APOOL: variants seen among roughly 807,000 people sequenced by gnomAD.
The protein encoded by APOOL is MICOS complex subunit MIC27.
APOOL carries 12 observed loss-of-function variants against 23.1 expected under a neutral mutation model. The observed-to-expected ratio is 0.52, with a 90% CI of 0.33 to 0.84. The LOEUF is 0.84. Ranked by LOEUF, APOOL falls within the 40% of genes least tolerant of loss-of-function variation. The pLI is 0.02. For synonymous variants in APOOL, 77 were observed against 69.9 expected (o/e 1.10, Z -0.51); for missense variants, 212 against 199.6 (o/e 1.06, Z -0.37).
intron 1 of APOOL, among the ~76,000 whole-genome samples, chrX:85,010,403 A>C (rs1336229434): frequency 9.0e-6 from 1 of 111,457 alleles, no homozygotes; most frequent in Non-Finnish European, 1.9e-5. Flanking sequence ...TTTTAGGTTA[A>C]ATGGGTGAGT....
intron 1 of APOOL, among the ~76,000 whole-genome samples, chrX:85,041,671 G>A (rs1922403754): frequency 9.0e-6 from 1 of 111,424 alleles, no homozygotes; most frequent in Non-Finnish European, 1.9e-5. Context: ...TGGCAACTCT[G>A]CCCACCCAGA....
intron 1 of APOOL, among the ~76,000 whole-genome samples, chrX:85,015,512 C>CT (rs1212131269): frequency 9.2e-6 from 1 of 108,192 alleles, no homozygotes; most frequent in Non-Finnish European, 1.9e-5. Flanking sequence ...TTTTAAATTT[C>CT]TTTTTTTCCT....
intron 2 of APOOL, among the ~76,000 whole-genome samples, chrX:85,048,641 C>T (rs1203755934): frequency 9.0e-6 from 1 of 111,708 alleles, no homozygotes; most frequent in Non-Finnish European, 1.9e-5. Flanking sequence ...TTTCTAGCTA[C>T]TTTTATTGTG....
intron 1 of APOOL, among the ~76,000 whole-genome samples, chrX:85,043,426 T>C (rs1282825880): frequency 9.5e-6 from 1 of 105,399 alleles, no homozygotes; most frequent in African/African-American, 3.5e-5. Flanking sequence ...TTTTTTTTTG[T>C]AAATGGCCAC....
intron 1 of APOOL, among the ~76,000 whole-genome samples, chrX:85,020,282 G>C (rs963441621): frequency 8.9e-6 from 1 of 111,735 alleles, no homozygotes; most frequent in Non-Finnish European, 1.9e-5. Flanking sequence ...AGAAATTACA[G>C]CTCCTGAGTG....
chrX:85,011,496 A>C (rs1349541949), intron 1 of APOOL, among the ~76,000 whole-genome samples: 1 of 111,946 alleles, frequency 8.9e-6, no homozygotes, highest in Non-Finnish European at 1.9e-5. Flanking sequence ...TCTTTGATCC[A>C]TGTTGAGTTG....
chrX:85,068,563 G>A (rs1569459459), intron 6 of APOOL, among the ~76,000 whole-genome samples: 2 of 108,259 alleles, frequency 1.8e-5, no homozygotes, highest in African/African-American at 3.4e-5. Flanking sequence ...CCACCACCAC[G>A]TCCAGCTAAT....
In APOOL at chrX:85,051,136, C is replaced by T. The variant is rs1031242902; in HGVS notation, c.121-253C>T. Among the ~76,000 whole-genome samples the T allele has an allele frequency of 3.6e-5, 4 of 111,520 alleles. No homozygotes were observed. In the Admixed American group the frequency reaches 3.8e-4, roughly 11 times the overall value. ...TCTGGGTGTGCAAAGACAGTAGTTT[C>T]TCTAAATATACATAGGAGTAGAACC... On this transcript the variant is annotated intron_variant, in intron 2 of 8. Transcript: ENST00000373173.
chrX:85,033,326 A>G (rs1397240965), intron 1 of APOOL, among the ~76,000 whole-genome samples: 1 of 112,080 alleles, frequency 8.9e-6, no homozygotes, highest in African/African-American at 3.2e-5. Context: ...TTGTCAGCAC[A>G]TTCATCTTCA....
rs1922775615 is a variant in APOOL at position 85,051,474 on chromosome X, G to A, written c.206G>A (p.Arg69His). 3.3e-6 allele frequency: 4 copies of A among 1,210,948 alleles called. No homozygotes were observed. The highest frequency in any genetic ancestry group is 1.8e-5 in the South Asian group (1 of 56,966). The change falls in exon 3 of 9, where the codon CGC becomes CAC. Residue 69 changes from arginine to histidine, a missense_variant. By Grantham distance (29) the Arg-to-His change is conservative. Transcript: ENST00000373173. ...TTACAAATGGGCTTTGCTTCCATCC[G>A]CACTGCAACTGGTTGTTACATTGGC... is the stretch of plus-strand genomic sequence containing the variant. ...GHLQMGFASIRTATGCYIGWC... is the reference protein window; with the variant it reads ...GHLQMGFASIHTATGCYIGWC...
chrX:85,064,244 T>G (rs1253137743), intron 5 of APOOL, among the ~76,000 whole-genome samples: 1 of 110,827 alleles, frequency 9.0e-6, no homozygotes, highest in African/African-American at 3.3e-5. Context: ...CAGATTGTGT[T>G]TATTTGAATC....
intron 1 of APOOL, among the ~76,000 whole-genome samples, chrX:85,045,256 T>TA (rs1027036796): frequency 1.0e-4 from 11 of 110,368 alleles, no homozygotes; most frequent in East Asian, 2.8e-4. Context: ...GGGAGGAGAA[T>TA]AAAAAAAAAT....
rs963403600 is a variant in APOOL, at chrX:85,069,790, A to C, written c.486+2572A>C. ...TTCTTTTAAAATAGAATGAACAGTT[A>C]AAAACATTAAAAAAAATTGAGTGCA... On this transcript the variant is annotated intron_variant, in intron 6 of 8. Coordinates refer to ENST00000373173, the MANE Select transcript of APOOL (RefSeq NM_198450.6). Among the ~76,000 whole-genome samples the C allele has an allele frequency of 6.3e-5, 7 of 110,282 alleles. No individual in the cohort carries two copies. In the Admixed American group the frequency reaches 6.9e-4, roughly 11 times the overall value.
chrX:85,069,940 T>G (rs1277034711), intron 6 of APOOL, among the ~76,000 whole-genome samples: 1 of 111,654 alleles, frequency 9.0e-6, no homozygotes, highest in Non-Finnish European at 1.9e-5. Context: ...TTAATTTTCC[T>G]AGAAACAATA....
At chrX:85,020,384 G>A (rs1253352150) in intron 1 of APOOL, among the ~76,000 whole-genome samples, 2 of 111,551 alleles carry the variant, frequency 1.8e-5, no homozygotes, top group African/African-American at 6.5e-5. Context: ...ACACCAGGCA[G>A]TGTAGTGTGG....
chrX:85,058,078 AT>A (rs1483527627), intron 5 of APOOL, among the ~76,000 whole-genome samples: 1 of 111,235 alleles, frequency 9.0e-6, no homozygotes, highest in African/African-American at 3.3e-5. Context: ...TTAAAAAATT[AT>A]ATTTTAAGTT....
At chrX:85,054,322 C>G in intron 3 of APOOL, 22 bp from the exon 4 acceptor site, 2 of 1,168,876 alleles carry the variant, frequency 1.7e-6, no homozygotes, top group South Asian at 4.0e-5. Context: ...CAGATGTCTT[C>G]CCCCCCTTTT....
intron 5 of APOOL, among the ~76,000 whole-genome samples, chrX:85,062,254 G>C (rs1320938012): frequency 2.7e-5 from 3 of 111,284 alleles, no homozygotes; most frequent in Admixed American, 1.9e-4. Context: ...ATTCCTTGTA[G>C]ATTCTGGATA....
In APOOL at chrX:85,012,975, GA is replaced by G. The variant is rs752155952; in HGVS notation, c.15+9050del. On this transcript the variant is annotated intron_variant, in intron 1 of 8. Transcript: ENST00000373173. Reference sequence around the variant, plus strand: ...TTAGCTGTGAATCCATCTGGTCCTGGAATCTGTTTTTGTTGGCAATTTTTAA... The same window carrying G: ...TTAGCTGTGAATCCATCTGGTCCTGGATCTGTTTTTGTTGGCAATTTTTAA... Among the ~76,000 whole-genome samples, 17 of 111,701 alleles carry G rather than the reference GA, an allele frequency of 1.5e-4. No individual in the cohort carries two copies. In the South Asian group the frequency reaches 6.3e-3, roughly 42 times the overall value.
Sources: gnomAD v4.1 joint callset for allele counts (sites outside exome capture counted in the v4.1 genomes callset) on GRCh38, gnomAD v4.1.1 for gene constraint, MANE v1.5 for transcripts, NCBI Gene and HGNC (gene_info 2026-07-23, HGNC 2026-07-21) for gene names.